The following BCORL1 variants were observed in gnomAD, a reference collection of about 807,000 sequenced individuals.
BCORL1 encodes the protein BCL6 corepressor like 1.
In BCORL1, 7 loss-of-function variants were observed where a neutral mutation model predicts 87.6. That is an observed-to-expected ratio of 0.08 (90% CI 0.05 to 0.15). The LOEUF (loss-of-function observed/expected upper bound fraction) is 0.15. Among genes scored for constraint, BCORL1 ranks in the 10% least tolerant of loss-of-function variants. The pLI is 1.00. For missense variants in BCORL1, 1,215 were observed against 1,499.7 expected (o/e 0.81, Z 3.13); for synonymous variants, 591 against 634.4 (o/e 0.93, Z 1.03).
chrX:130,028,990 G>C, intron 8 of BCORL1, 129 bp downstream of exon 8: 1 of 549,606 alleles, frequency 1.8e-6, no homozygotes, highest in Non-Finnish European at 3.0e-6. Flanking sequence ...ACTAGTTCTC[G>C]AAGGGTTGGG....
chrX:129,980,981 A>C (rs1926057324), upstream of BCORL1: 1 of 107,257 alleles, frequency 9.3e-6, no homozygotes, highest in African/African-American at 3.4e-5. Flanking sequence ...GCGAAGGTAG[A>C]TCGGCGGGGC....
chrX:129,980,491 G>A (rs956350042), upstream of BCORL1, among the ~76,000 whole-genome samples: 1 of 111,907 alleles, frequency 8.9e-6, no homozygotes, highest in Non-Finnish European at 1.9e-5. Flanking sequence ...CCCCCACCCC[G>A]CGTGGGTTCC....
At chrX:129,997,510 G>T (rs1927652092) in intron 1 of BCORL1, among the ~76,000 whole-genome samples, 1 of 110,396 alleles carries the variant, frequency 9.1e-6, no homozygotes, top group South Asian at 3.8e-4. Context: ...TAAAGTTATT[G>T]CGGCCAGGCA....
rs1405423621 is a variant in BCORL1, at chrX:130,051,937, G to C, written c.4996G>C (p.Glu1666Gln). The change falls in exon 13 of 14, where the codon GAG becomes CAG. Residue 1666 changes from glutamate (E) to glutamine (Q), a missense_variant. Coordinates refer to ENST00000540052, the MANE Select transcript of BCORL1 (RefSeq NM_001379451.1). ...SSDQEGDDPM[E>Q]EDDFMFELSD... is the part of the protein sequence containing the mutation. Reference sequence around the variant, plus strand: ...AGATCAAGAAGGAGACGATCCGATGGAGGAGGATGATTTCATGTTTGAACT... The same window carrying C: ...AGATCAAGAAGGAGACGATCCGATGCAGGAGGATGATTTCATGTTTGAACT... The C allele has an allele frequency of 8.3e-7, 1 of 1,207,407 alleles. No individual in the cohort carries two copies. The highest frequency in any genetic ancestry group is 1.1e-6 in the Non-Finnish European group (1 of 893,079).
intron 8 of BCORL1, among the ~76,000 whole-genome samples, chrX:130,033,058 C>T (rs894567457): frequency 3.4e-4 from 37 of 107,646 alleles, no homozygotes; most frequent in African/African-American, 1.2e-3. Flanking sequence ...CCACCATGCC[C>T]GGCAATTTTT....
intron 8 of BCORL1, among the ~76,000 whole-genome samples, chrX:130,032,866 A>AT (rs1301057080): frequency 2.8e-5 from 3 of 109,022 alleles, no homozygotes; most frequent in Non-Finnish European, 5.7e-5. Context: ...GGTTCAAGTA[A>AT]TTCTCCTGCC....
Position 130,013,459 on chromosome X carries a change from C to T in BCORL1, c.687C>T (p.Ala229=), listed in dbSNP as rs769717082. The change falls in exon 4 of 14, where the codon GCC becomes GCT. Residue 229 remains alanine, a synonymous_variant. Transcript: ENST00000540052. ...TCCAGGTTCCCCTCTCCGTCCCTGC[C>T]CCAGTCCCCCATTCAGGGCTTGTTC... ...DAFQVPLSVP[A]PVPHSGLVPV... 1.7e-5 allele frequency: 21 copies of T among 1,211,134 alleles called. No homozygotes were observed. In the South Asian group the frequency reaches 3.5e-4, roughly 20 times the overall value.
At position 130,021,075 on chromosome X, in the gene BCORL1, G is replaced by A. The variant is rs933989121; in HGVS notation, c.3532G>A (p.Gly1178Arg). 3.3e-6 allele frequency: 4 copies of A among 1,198,520 alleles called. No individual in the cohort carries two copies. Among genetic ancestry groups the A allele is most frequent in the Non-Finnish European group, 3.4e-6 (3 of 890,957 alleles). ...DSGKEHNGVRGKHKHRKPTKP... is the reference protein window; with the variant it reads ...DSGKEHNGVRRKHKHRKPTKP... The stretch of plus-strand genomic sequence containing the variant: ...AGGAAAAGAGCACAATGGAGTCAGG[G>A]GAAAGCACAAGCACCGGAAGCCGAC... Residue 1178 changes from glycine to arginine, a missense_variant, in exon 5 of 14, where the codon GGA (glycine) becomes AGA (arginine). Gly to Arg is a moderately radical substitution (Grantham distance 125). Transcript: ENST00000540052.
In BCORL1 at chrX:130,001,667, G is replaced by A. The variant is rs757571060; in HGVS notation, c.-44-3521G>A. ...CAGGGTGAGGAGGCAGAAGAGTCCT[G>A]AAACTGGATGGTGTGTTTAGGAAGG... On this transcript the variant is annotated intron_variant, in intron 1 of 13. Transcript: ENST00000540052. Among the ~76,000 whole-genome samples, 34 of 110,187 alleles carry A rather than the reference G, an allele frequency of 3.1e-4. No individual in the cohort carries two copies. The Middle Eastern group carries it at 0.023, about 75-fold the overall frequency.
chrX:130,050,294 C>T (rs1007082204), intron 11 of BCORL1, among the ~76,000 whole-genome samples: 2 of 109,188 alleles, frequency 1.8e-5, no homozygotes, highest in African/African-American at 6.7e-5. Context: ...AAGTATTAGC[C>T]AGGTGTGGTG....
intron 8 of BCORL1, among the ~76,000 whole-genome samples, chrX:130,032,349 C>T (rs1252817899): frequency 1.8e-5 from 2 of 111,315 alleles, no homozygotes; most frequent in Non-Finnish European, 3.8e-5. Context: ...CAGGAGGCCT[C>T]CTCTCCCTGC....
chrX:130,037,447 G>A lies in BCORL1; in HGVS notation c.4608G>A (p.Glu1536=). ...RDNAGYTALH[E]ACSRGWTDIL... The stretch of plus-strand genomic sequence containing the variant: ...ATGCTGGCTACACAGCCCTGCATGA[G>A]GCTTGTTCCCGGGGCTGGACCGACA... Residue 1536 remains glutamate (E), a synonymous_variant, in exon 10 of 14, where the codon GAG becomes GAA. Transcript: ENST00000540052. 1 of 1,211,855 alleles carries A rather than the reference G, an allele frequency of 8.3e-7. No individual in the cohort carries two copies. Among genetic ancestry groups the A allele is most frequent in the Non-Finnish European group, 1.1e-6 (1 of 895,436 alleles).
At chrX:130,017,932 G>A (rs1929559489) in intron 4 of BCORL1, among the ~76,000 whole-genome samples, 1 of 111,826 alleles carries the variant, frequency 8.9e-6, no homozygotes, top group Non-Finnish European at 1.9e-5. Flanking sequence ...CACCTCACCT[G>A]GCCATCTTCT....
In BCORL1 at chrX:130,025,227, G is replaced by A. The variant is rs1049230582; in HGVS notation, c.3926G>A (p.Arg1309Gln). ...ATGCCCTGGAGGACAGAGGCTGCCC[G>A]GCAAATGTGGGACACCAATGAGGAG... is the stretch of plus-strand genomic sequence containing the variant. ...REMPWRTEAA[R>Q]QMWDTNEEEE... The change falls in exon 7 of 14, where the codon CGG becomes CAG. Residue 1309 changes from arginine (R) to glutamine (Q), a missense_variant. This residue lies in a region of BCORL1 where 166 missense variants were observed against 196.5 expected (regional missense o/e 0.84). Coordinates refer to ENST00000540052, the MANE Select transcript of BCORL1 (RefSeq NM_001379451.1). The A allele has an allele frequency of 3.3e-5, 40 of 1,210,735 alleles. No homozygotes were observed. Among genetic ancestry groups the A allele is most frequent in the Non-Finnish European group, 4.2e-5 (38 of 895,011 alleles).
upstream of BCORL1, among the ~76,000 whole-genome samples, chrX:129,980,883 C>G (rs1192856189): frequency 2.9e-5 from 3 of 102,337 alleles, no homozygotes; most frequent in Non-Finnish European, 4.0e-5. Context: ...GGGGCTGGGC[C>G]GGACCCGCAG....
intron 1 of BCORL1, among the ~76,000 whole-genome samples, chrX:130,003,189 C>G (rs1928193509): frequency 9.0e-6 from 1 of 110,780 alleles, no homozygotes; most frequent in Admixed American, 9.6e-5. Context: ...GAATGCTTTT[C>G]TCCCAAATAT....
intron 6 of BCORL1, among the ~76,000 whole-genome samples, chrX:130,023,404 C>T (rs887034939): frequency 2.7e-5 from 3 of 111,560 alleles, no homozygotes; most frequent in East Asian, 2.8e-4. Flanking sequence ...GTCATTGAAT[C>T]GTCAGGGCTG....
chrX:130,036,955 G>C (rs762189379), intron 9 of BCORL1, among the ~76,000 whole-genome samples: 2 of 112,324 alleles, frequency 1.8e-5, no homozygotes, highest in Non-Finnish European at 3.8e-5. Context: ...AGACCAGCCT[G>C]GCCAACATAG....
chrX:129,993,161 G>A (rs1927314475), intron 1 of BCORL1, among the ~76,000 whole-genome samples: 1 of 111,914 alleles, frequency 8.9e-6, no homozygotes, highest in Admixed American at 9.6e-5. Flanking sequence ...TTTGCCTTTT[G>A]AAAGGACTGA....
Sources: gnomAD v4.1 joint callset for allele counts (sites outside exome capture counted in the v4.1 genomes callset) on GRCh38, gnomAD v4.1.1 for gene constraint, gnomAD v4.1.1 regional missense constraint, MANE v1.5 for transcripts, NCBI Gene and HGNC (gene_info 2026-07-23, HGNC 2026-07-21) for gene names.